The following TMEM132D variants were observed in gnomAD, a reference collection of about 807,000 sequenced individuals.
TMEM132D encodes mature OL transmembrane protein.
TMEM132D carries 21 observed loss-of-function variants against 62.3 expected under a neutral mutation model. The ratio of observed to expected loss-of-function variants is 0.34; its 90% CI spans 0.24 to 0.49. The LOEUF (loss-of-function observed/expected upper bound fraction) is 0.49. Among genes scored for constraint, TMEM132D ranks in the 20% least tolerant of loss-of-function variants. The pLI is 0.99. For missense variants in TMEM132D, 1,346 were observed against 1,402.8 expected, an observed-to-expected ratio of 0.96 and a Z score of 0.65; for synonymous variants, 621 against 575.6, an observed-to-expected ratio of 1.08 and a Z score of -1.13.
chr12:129,329,280 T>G (rs1358483214), intron 4 of TMEM132D, among the ~76,000 whole-genome samples: 1 of 152,048 alleles, frequency 6.6e-6, no homozygotes, highest in Non-Finnish European at 1.5e-5. Flanking sequence ...TGCAAGAAGG[T>G]GCTTTAGAGA....
rs375868329 is a variant in TMEM132D at position 129,636,737 on chromosome 12, T to TGTGTGTGA, written c.968+63072_968+63073insTCACACAC. ...GTGTGTGTGTGTGTGTGTGTGTGTG[T>TGTGTGTGA]GAGAGAGAGAGAGAGAGAGACAGAG... On this transcript the variant is annotated intron_variant, in intron 2 of 8. Transcript: ENST00000422113. Among the ~76,000 whole-genome samples, 1,107 of 113,584 alleles carry TGTGTGTGA rather than the reference T, an allele frequency of 9.7e-3. 6 individuals carry two copies. Among genetic ancestry groups the TGTGTGTGA allele is most frequent in the African/African-American group, 0.011 (330 of 30,020 alleles). 74.5% of individuals were successfully genotyped at this position (113,584 alleles called of 152,430 possible). A position where few individuals can be genotyped will look rare whatever the true frequency, so the allele number is the denominator to read the frequency against.
intron 4 of TMEM132D, among the ~76,000 whole-genome samples, chr12:129,309,238 C>G (rs949981437): frequency 6.6e-6 from 1 of 152,036 alleles, no homozygotes; most frequent in Non-Finnish European, 1.5e-5. Flanking sequence ...CCCTCTGGTT[C>G]TTTTTGTAAG....
intron 5 of TMEM132D, among the ~76,000 whole-genome samples, chr12:129,133,162 A>ATT (rs112304417): frequency 0.023 from 3,523 of 151,796 alleles, 153 homozygotes; most frequent in African/African-American, 0.081. Flanking sequence ...ATCTGCATCT[A>ATT]TTTTTTTTCT....
In TMEM132D at chr12:129,487,732, T is replaced by G. The variant is rs190678742; in HGVS notation, c.1115+43327A>C. On this transcript the variant is annotated intron_variant, in intron 3 of 8. Coordinates refer to ENST00000422113, the MANE Select transcript of TMEM132D (RefSeq NM_133448.3). Reference sequence around the variant, plus strand: ...CGGATCATGAGGTCAGGAGATCTCCTGAGACCATCCTGGCTAACATGGTGA... The same window carrying G: ...CGGATCATGAGGTCAGGAGATCTCCGGAGACCATCCTGGCTAACATGGTGA... Among the ~76,000 whole-genome samples the G allele has an allele frequency of 9.9e-5, 15 of 151,624 alleles. No homozygotes were observed. In the East Asian group the frequency reaches 2.7e-3, roughly 28 times the overall value.
intron 3 of TMEM132D, among the ~76,000 whole-genome samples, chr12:129,443,858 A>T (rs568387551): frequency 6.6e-6 from 1 of 152,296 alleles, no homozygotes; most frequent in East Asian, 1.9e-4. Context: ...TGGTATGGCC[A>T]CGTGGCCCAA....
intron 1 of TMEM132D, among the ~76,000 whole-genome samples, chr12:129,752,192 T>C (rs1180639863): frequency 6.6e-6 from 1 of 152,122 alleles, no homozygotes; most frequent in African/African-American, 2.4e-5. Context: ...TGTGAAAATG[T>C]TGCTATATTT....
At chr12:129,158,449 T>C (rs557071270) in intron 5 of TMEM132D, among the ~76,000 whole-genome samples, 16 of 152,350 alleles carry the variant, frequency 1.1e-4, no homozygotes, top group Admixed American at 7.2e-4. Context: ...TGATACCAAG[T>C]TGGAATGTGG....
chr12:129,187,604 GC>G (rs5801835), intron 5 of TMEM132D, among the ~76,000 whole-genome samples: 73,870 of 151,920 alleles, frequency 0.49, 18,090 homozygotes, highest in Middle Eastern at 0.53. Context: ...ACCCAGCTGT[GC>G]AATGGGAATG....
chr12:129,340,709 G>A lies in TMEM132D; in HGVS notation c.1116-2892C>T, dbSNP rs145802853. On this transcript the variant is annotated intron_variant, in intron 3 of 8. Coordinates refer to ENST00000422113, the MANE Select transcript of TMEM132D (RefSeq NM_133448.3). The stretch of plus-strand genomic sequence containing the variant: ...CATTTTCTTAATCCAGTCTATCATT[G>A]TTGGACATTTGGGTTGGTTCCATTA... 8.0e-4 allele frequency among the ~76,000 whole-genome samples: 122 copies of A among 152,254 alleles called. 1 individual carries two copies. Among genetic ancestry groups the A allele is most frequent in the African/African-American group, 2.9e-3 (119 of 41,534 alleles).
At chr12:129,153,229 G>A (rs973048406) in intron 5 of TMEM132D, among the ~76,000 whole-genome samples, 6 of 152,128 alleles carry the variant, frequency 3.9e-5, no homozygotes, top group African/African-American at 1.4e-4. Flanking sequence ...GCCAGACACT[G>A]GGAGGAAAGG....
At chr12:129,800,029 G>A (rs1490775917) in intron 1 of TMEM132D, among the ~76,000 whole-genome samples, 2 of 152,172 alleles carry the variant, frequency 1.3e-5, no homozygotes, top group African/African-American at 4.8e-5. Flanking sequence ...GAGCTTTAGA[G>A]CTGAAAATGT....
chr12:129,539,574 A>ATTTTT (rs3046685), intron 2 of TMEM132D, among the ~76,000 whole-genome samples: 1 of 143,930 alleles, frequency 6.9e-6, no homozygotes, highest in Admixed American at 6.9e-5. Flanking sequence ...AATTTTTTCT[A>ATTTTT]TTTTTTTTTT....
At chr12:129,101,114 T>C (rs1353664856) in intron 5 of TMEM132D, among the ~76,000 whole-genome samples, 2 of 151,688 alleles carry the variant, frequency 1.3e-5, no homozygotes, top group East Asian at 3.9e-4. Context: ...GTGGCACCAG[T>C]TGATGGCAGG....
intron 2 of TMEM132D, among the ~76,000 whole-genome samples, chr12:129,548,520 C>T (rs1365950940): frequency 6.6e-6 from 1 of 152,230 alleles, no homozygotes; most frequent in Non-Finnish European, 1.5e-5. Flanking sequence ...AGTCAACTTT[C>T]CTGCTGAGGA....
At chr12:129,475,817 G>C (rs1415542238) in intron 3 of TMEM132D, among the ~76,000 whole-genome samples, 1 of 152,218 alleles carries the variant, frequency 6.6e-6, no homozygotes, top group Non-Finnish European at 1.5e-5. Flanking sequence ...GGTGTGCAGT[G>C]ATGGAATATT....
intron 3 of TMEM132D, among the ~76,000 whole-genome samples, chr12:129,342,494 C>T (rs1370945965): frequency 2.0e-5 from 3 of 151,988 alleles, no homozygotes; most frequent in Admixed American, 2.0e-4. Context: ...CTAGGCAATA[C>T]CATTCAGGAC....
intron 1 of TMEM132D, among the ~76,000 whole-genome samples, chr12:129,809,169 A>G (rs1872087931): frequency 6.6e-6 from 1 of 152,102 alleles, no homozygotes; most frequent in Non-Finnish European, 1.5e-5. Flanking sequence ...TTAGCCAGGC[A>G]TGGTGGCGGG....
chr12:129,354,053 A>G (rs1256064887), intron 3 of TMEM132D, among the ~76,000 whole-genome samples: 1 of 152,096 alleles, frequency 6.6e-6, no homozygotes, highest in African/African-American at 2.4e-5. Flanking sequence ...AGATGAAGTC[A>G]AAACTGTTGG....
chr12:129,424,656 T>C (rs7312203), intron 3 of TMEM132D, among the ~76,000 whole-genome samples: 5 of 139,182 alleles, frequency 3.6e-5, no homozygotes, highest in East Asian at 2.1e-4. Flanking sequence ...TGCAGTGAGC[T>C]GAGATCACGC....
Sources: allele counts gnomAD v4.1 joint callset (sites outside exome capture counted in the v4.1 genomes callset), GRCh38; gene constraint gnomAD v4.1.1; transcripts MANE v1.5; gene names NCBI Gene and HGNC (gene_info 2026-07-23, HGNC 2026-07-21).